RRP15: variants seen among roughly 807,000 people sequenced by gnomAD.
RRP15 encodes the protein RRP15-like protein.
Under a neutral mutation model 27.1 loss-of-function variants are expected in RRP15, and 18 were observed. The ratio of observed to expected loss-of-function variants is 0.66; its 90% CI spans 0.46 to 0.98. RRP15 has a LOEUF of 0.98. Among genes scored for constraint, RRP15 ranks in the 50% least tolerant of loss-of-function variants. RRP15 has a pLI of 0.00. For missense variants in RRP15, 359 were observed against 337.8 expected, an observed-to-expected ratio of 1.06 and a Z score of -0.49; for synonymous variants, 107 against 109.4, an observed-to-expected ratio of 0.98 and a Z score of 0.14.
intron 1 of RRP15, among the ~76,000 whole-genome samples, chr1:218,300,661 T>G (rs1655797704): frequency 6.6e-6 from 1 of 152,176 alleles, no homozygotes; most frequent in South Asian, 2.1e-4. Flanking sequence ...TAAAGGCAAA[T>G]TATGAACATT....
At chr1:218,306,621 C>T (rs1051965388) in intron 3 of RRP15, among the ~76,000 whole-genome samples, 2 of 151,998 alleles carry the variant, frequency 1.3e-5, no homozygotes, top group Non-Finnish European at 2.9e-5. Context: ...AATTTTAGAG[C>T]CGGAAGGGAT....
intron 1 of RRP15, among the ~76,000 whole-genome samples, chr1:218,293,248 ATTC>A (rs1248528127): frequency 6.6e-6 from 1 of 152,154 alleles, no homozygotes; most frequent in Non-Finnish European, 1.5e-5. Context: ...AGATGGGACA[ATTC>A]TTCTTTGGCT....
intron 1 of RRP15, among the ~76,000 whole-genome samples, chr1:218,298,562 C>A (rs1202561651): frequency 6.6e-6 from 1 of 152,094 alleles, no homozygotes; most frequent in Non-Finnish European, 1.5e-5. Flanking sequence ...GCTAACCATT[C>A]GTATCTGGGG....
chr1:218,336,677 T>A lies in RRP15; in HGVS notation c.*5586T>A, dbSNP rs1442912018. 6.6e-6 allele frequency: 1 copy of A among 152,616 alleles called. No individual in the cohort carries two copies. Among genetic ancestry groups the A allele is most frequent in the South Asian group, 2.1e-4 (1 of 4,828 alleles). 9.5% of individuals were successfully genotyped at this position (152,616 alleles called of 1,614,324 possible). ...AGACTCAGCAGTTGCCCTGAAATAC[T>A]GAGAAGTACCAAGCATAACATCAAG... On this transcript the variant is annotated 3_prime_UTR_variant, in exon 5 of 5. Coordinates refer to ENST00000366932, the MANE Select transcript of RRP15 (RefSeq NM_016052.4).
chr1:218,330,834 T>A, intron 4 of RRP15, 114 bp from the exon 5 acceptor site: 1 of 751,052 alleles, frequency 1.3e-6, no homozygotes, highest in Admixed American at 2.7e-5. Flanking sequence ...TTCTCTTGGT[T>A]TTACCCCTAT....
intron 4 of RRP15, among the ~76,000 whole-genome samples, chr1:218,315,021 A>G (rs574704387): frequency 2.0e-5 from 3 of 151,252 alleles, no homozygotes; most frequent in Admixed American, 1.3e-4. Flanking sequence ...AAAGAAAGTG[A>G]TTTCCTTAGT....
At chr1:218,318,402 T>C in intron 4 of RRP15, among the ~76,000 whole-genome samples, 1 of 152,228 alleles carries the variant, frequency 6.6e-6, no homozygotes, top group East Asian at 1.9e-4. Context: ...TTTTTTCTTT[T>C]AAAGACTAGC....
intron 4 of RRP15, among the ~76,000 whole-genome samples, chr1:218,309,707 A>AC (rs1655961960): frequency 6.6e-6 from 1 of 151,098 alleles, no homozygotes; most frequent in African/African-American, 2.4e-5. Flanking sequence ...AAAAAAAAAA[A>AC]ACATATTTAT....
intron 1 of RRP15, among the ~76,000 whole-genome samples, chr1:218,288,525 T>C (rs1186950092): frequency 6.6e-6 from 1 of 152,210 alleles, no homozygotes. Flanking sequence ...TTTAAAAAAC[T>C]GAGGCACAGA....
Position 218,308,487 on chromosome 1 carries a change from T to C in RRP15, c.705+855T>C, listed in dbSNP as rs148298589. 8.7e-3 allele frequency among the ~76,000 whole-genome samples: 1,320 copies of C among 152,280 alleles called. 21 individuals carry two copies. The highest frequency in any genetic ancestry group is 0.029 in the African/African-American group (1,219 of 41,550). On this transcript the variant is annotated intron_variant, in intron 4 of 4. Transcript: ENST00000366932. Reference sequence around the variant, plus strand: ...AGCAAAATATGTAGTTATATTTTGATGGCTTGATTTCTGTTGCCAAAACCA... The same window carrying C: ...AGCAAAATATGTAGTTATATTTTGACGGCTTGATTTCTGTTGCCAAAACCA...
At chr1:218,314,141 C>T (rs1177524822) in intron 4 of RRP15, among the ~76,000 whole-genome samples, 1 of 152,020 alleles carries the variant, frequency 6.6e-6, no homozygotes, top group Non-Finnish European at 1.5e-5. Flanking sequence ...AGGCATGAGC[C>T]ACCATGCCTG....
intron 1 of RRP15, among the ~76,000 whole-genome samples, chr1:218,295,995 G>A (rs965488051): frequency 1.3e-5 from 2 of 152,088 alleles, no homozygotes; most frequent in African/African-American, 4.8e-5. Flanking sequence ...GGCATGAGCA[G>A]AACAGATGAT....
At position 218,331,076 on chromosome 1, in the gene RRP15, T is replaced by C. The variant is rs762210560; in HGVS notation, c.834T>C (p.Ser278=). The C allele has an allele frequency of 2.5e-6, 4 of 1,611,886 alleles. No homozygotes were observed. The highest frequency in any genetic ancestry group is 2.2e-5 in the South Asian group (2 of 90,738). ...ATGACAGCAGACCAGAATCTGCAAG[T>C]GACTCTGATACATAAAGCATCATAG... is the stretch of plus-strand genomic sequence containing the variant. The part of the protein sequence containing the change: ...GPDDSRPESA[S]DSDT Residue 278 remains serine (S), a synonymous_variant, in exon 5 of 5, where the codon AGT becomes AGC. Transcript: ENST00000366932.
intron 4 of RRP15, among the ~76,000 whole-genome samples, chr1:218,315,325 C>A (rs1218228746): frequency 6.6e-6 from 1 of 152,138 alleles, no homozygotes; most frequent in African/African-American, 2.4e-5. Flanking sequence ...TGCATTTCTT[C>A]TGGTTCTTAG....
chr1:218,313,931 C>T (rs1399764458), intron 4 of RRP15, among the ~76,000 whole-genome samples: 1 of 152,132 alleles, frequency 6.6e-6, no homozygotes, highest in Non-Finnish European at 1.5e-5. Flanking sequence ...CAACATGTGG[C>T]AAGGCATATT....
chr1:218,329,802 TATTTGCTTGTAA>T (rs1031569578), intron 4 of RRP15, among the ~76,000 whole-genome samples: 1 of 152,084 alleles, frequency 6.6e-6, no homozygotes, highest in African/African-American at 2.4e-5. Context: ...ACAGTTTTCC[TATTTGCTTGTAA>T]TAGTGGTCAA....
chr1:218,303,534 G>T (rs1655847078), intron 2 of RRP15, among the ~76,000 whole-genome samples: 1 of 152,050 alleles, frequency 6.6e-6, no homozygotes, highest in Non-Finnish European at 1.5e-5. Context: ...TAAATCTTAT[G>T]GATAGCTTTT....
At chr1:218,326,606 T>G (rs955817926) in intron 4 of RRP15, among the ~76,000 whole-genome samples, 1 of 152,214 alleles carries the variant, frequency 6.6e-6, no homozygotes, top group Admixed American at 6.5e-5. Flanking sequence ...GTGAATTTAT[T>G]AGCAACTTGT....
chr1:218,288,675 A>G (rs1210086628), intron 1 of RRP15, among the ~76,000 whole-genome samples: 1 of 152,226 alleles, frequency 6.6e-6, no homozygotes, highest in Non-Finnish European at 1.5e-5. Context: ...GACATAGATA[A>G]TTTTAAAAAG....
Sources: gnomAD v4.1 joint callset for allele counts (sites outside exome capture counted in the v4.1 genomes callset) on GRCh38, gnomAD v4.1.1 for gene constraint, MANE v1.5 for transcripts, NCBI Gene and HGNC (gene_info 2026-07-23, HGNC 2026-07-21) for gene names.